Variants in IMMP2L observed in about 807,000 individuals in gnomAD.
The protein encoded by IMMP2L is inner mitochondrial membrane peptidase subunit 2.
A neutral mutation model predicts 19.3 loss-of-function variants in IMMP2L; 18 were observed. The ratio of observed to expected loss-of-function variants is 0.93; its 90% confidence interval spans 0.64 to 1.38. The LOEUF (loss-of-function observed/expected upper bound fraction) is 1.38, where lower values mean the gene tolerates loss of function less well. Among genes scored for constraint, IMMP2L ranks in the 40% most tolerant of loss-of-function variants. The pLI is 0.00. For missense variants in IMMP2L, 233 were observed against 218.2 expected, an observed-to-expected ratio of 1.07 and a Z score of -0.43; for synonymous variants, 76 against 73.0, an observed-to-expected ratio of 1.04 and a Z score of -0.21.
chr7:111,396,900 C>T (rs867247799), intron 3 of IMMP2L, among the ~76,000 whole-genome samples: 18 of 151,856 alleles, frequency 1.2e-4, no homozygotes, highest in Admixed American at 4.6e-4. Flanking sequence ...CTGGCTAACA[C>T]GGTGAAACCC....
intron 3 of IMMP2L, among the ~76,000 whole-genome samples, chr7:111,344,676 A>G (rs1362770176): frequency 6.6e-6 from 1 of 152,162 alleles, no homozygotes; most frequent in Non-Finnish European, 1.5e-5. Flanking sequence ...ACAGCCTAAC[A>G]CCCATCAGTA....
At chr7:110,704,938 T>G (rs1017069413) in intron 5 of IMMP2L, among the ~76,000 whole-genome samples, 2 of 152,194 alleles carry the variant, frequency 1.3e-5, no homozygotes, top group African/African-American at 4.8e-5. Context: ...AGCATTTTCT[T>G]AGACCAGATG....
chr7:111,191,575 C>A (rs1248263302), intron 3 of IMMP2L, among the ~76,000 whole-genome samples: 1 of 151,910 alleles, frequency 6.6e-6, no homozygotes. Flanking sequence ...CTGATATATT[C>A]CTTCCTCCTG....
At chr7:111,155,277 G>A (rs1804515687) in intron 3 of IMMP2L, among the ~76,000 whole-genome samples, 1 of 152,032 alleles carries the variant, frequency 6.6e-6, no homozygotes, top group Non-Finnish European at 1.5e-5. Context: ...GGTAATGCAA[G>A]CCTTGAGAAT....
intron 3 of IMMP2L, among the ~76,000 whole-genome samples, chr7:111,086,870 C>A (rs1796387436): frequency 6.6e-6 from 1 of 152,202 alleles, no homozygotes; most frequent in African/African-American, 2.4e-5. Flanking sequence ...TGTATAAAAG[C>A]AACCACTGTC....
rs1248743112 is a variant in IMMP2L, at chr7:111,440,548, T to C, written c.239+46690A>G. Reference sequence around the variant, plus strand: ...GCCTAAAATATTCCACAATCTATGCTATGAACAGATGTGCTATCATCTAGG... The same window carrying C: ...GCCTAAAATATTCCACAATCTATGCCATGAACAGATGTGCTATCATCTAGG... On this transcript the variant is annotated intron_variant, in intron 3 of 5. Coordinates refer to ENST00000405709, the MANE Select transcript of IMMP2L (RefSeq NM_032549.4). Among the ~76,000 whole-genome samples the C allele has an allele frequency of 3.3e-5, 5 of 151,912 alleles. 1 individual carries two copies. Among genetic ancestry groups the C allele is most frequent in the African/African-American group, 1.2e-4 (5 of 41,166 alleles).
At chr7:111,041,905 T>C (rs2129571038) in intron 3 of IMMP2L, among the ~76,000 whole-genome samples, 1 of 152,340 alleles carries the variant, frequency 6.6e-6, no homozygotes. Flanking sequence ...GTCTACCAGT[T>C]GTGTGAACTT....
chr7:111,429,375 G>C (rs529189740), intron 3 of IMMP2L, among the ~76,000 whole-genome samples: 2 of 151,898 alleles, frequency 1.3e-5, no homozygotes, highest in African/African-American at 4.8e-5. Context: ...AGCAGAAGAG[G>C]CAAGGCCTGA....
intron 3 of IMMP2L, chr7:111,391,788 T>C (rs1208049006): frequency 1.5e-6 from 1 of 672,598 alleles, no homozygotes; most frequent in South Asian, 1.6e-5. Context: ...AGAGTATGAG[T>C]TCAAGGAAAC....
At chr7:110,947,756 T>G (rs1817401010) in intron 4 of IMMP2L, among the ~76,000 whole-genome samples, 1 of 152,196 alleles carries the variant, frequency 6.6e-6, no homozygotes, top group Non-Finnish European at 1.5e-5. Context: ...AAGTATTCTT[T>G]GGAAGTATCA....
chr7:111,251,079 G>A (rs1196858394), intron 3 of IMMP2L, among the ~76,000 whole-genome samples: 1 of 152,136 alleles, frequency 6.6e-6, no homozygotes, highest in Admixed American at 6.5e-5. Flanking sequence ...CCATTTAAAA[G>A]TTGGCAAAGG....
At chr7:111,225,264 C>T (rs1469676523) in intron 3 of IMMP2L, among the ~76,000 whole-genome samples, 1 of 152,090 alleles carries the variant, frequency 6.6e-6, no homozygotes. Context: ...GAAAAACTTA[C>T]ATCTGTCACT....
chr7:111,039,568 A>C (rs573806738), intron 3 of IMMP2L, among the ~76,000 whole-genome samples: 59 of 152,286 alleles, frequency 3.9e-4, no homozygotes, highest in Middle Eastern at 3.4e-3. Flanking sequence ...ATTCTCATTA[A>C]TTCAGGTCAG....
At chr7:111,323,395 C>T (rs1662214251) in intron 3 of IMMP2L, among the ~76,000 whole-genome samples, 1 of 152,120 alleles carries the variant, frequency 6.6e-6, no homozygotes. Context: ...AAAAAATGCT[C>T]ATCATCACCA....
intron 3 of IMMP2L, chr7:111,390,787 A>C (rs1452577020): frequency 6.6e-6 from 1 of 152,206 alleles, no homozygotes; most frequent in Non-Finnish European, 1.5e-5. Context: ...AGAACAAAGC[A>C]AGAAGAAATT....
chr7:111,467,071 T>C (rs1840745666), intron 3 of IMMP2L, among the ~76,000 whole-genome samples: 3 of 152,036 alleles, frequency 2.0e-5, no homozygotes, highest in South Asian at 2.1e-4. Flanking sequence ...AAAAACCAGA[T>C]TGACCAAATA....
At chr7:110,781,453 A>C (rs1299326842) in intron 5 of IMMP2L, among the ~76,000 whole-genome samples, 5 of 151,890 alleles carry the variant, frequency 3.3e-5, no homozygotes, top group African/African-American at 1.2e-4. Context: ...CTAATTTCTA[A>C]ATGGCAAAAA....
intron 5 of IMMP2L, among the ~76,000 whole-genome samples, chr7:110,784,999 G>T (rs1799973798): frequency 6.6e-6 from 1 of 151,802 alleles, no homozygotes; most frequent in African/African-American, 2.4e-5. Context: ...CTAAAACATG[G>T]TATTAGAAAT....
intron 3 of IMMP2L, among the ~76,000 whole-genome samples, chr7:111,412,312 C>T (rs1834505963): frequency 6.6e-6 from 1 of 151,602 alleles, no homozygotes; most frequent in South Asian, 2.1e-4. Context: ...ACAAGTTGAC[C>T]TATTTGATAT....
Sources: allele counts gnomAD v4.1 joint callset (sites outside exome capture counted in the v4.1 genomes callset), GRCh38; gene constraint gnomAD v4.1.1; transcripts MANE v1.5; gene names NCBI Gene and HGNC (gene_info 2026-07-23, HGNC 2026-07-21).